The following FLT3LG variants were observed in gnomAD, a reference collection of about 807,000 sequenced individuals.
The protein encoded by FLT3LG is fms-related tyrosine kinase 3 ligand.
Under a neutral mutation model 30.9 loss-of-function variants are expected in FLT3LG, and 8 were observed. The ratio of observed to expected loss-of-function variants is 0.26; its 90% confidence interval spans 0.15 to 0.47. The LOEUF is 0.47. Among genes scored for constraint, FLT3LG ranks in the 20% least tolerant of loss-of-function variants. FLT3LG has a pLI of 0.99. For missense variants in FLT3LG, 278 were observed against 306.2 expected (o/e 0.91, Z 0.69); for synonymous variants, 123 against 135.9 (o/e 0.91, Z 0.66).
intron 8 of FLT3LG, among the ~76,000 whole-genome samples, chr19:49,484,520 G>T (rs1017966820): frequency 3.3e-5 from 5 of 150,998 alleles, no homozygotes; most frequent in African/African-American, 7.3e-5. Context: ...TTTTTGAGAC[G>T]GAGTCTCACT....
intron 2 of FLT3LG, among the ~76,000 whole-genome samples, 192 bp from the exon 3 acceptor site, chr19:49,475,499 T>C (rs1004494488): frequency 3.3e-5 from 5 of 151,542 alleles, no homozygotes; most frequent in Non-Finnish European, 7.4e-5. Context: ...CTGGACAGCA[T>C]TGGACCAGAG....
In FLT3LG at chr19:49,476,530, C is replaced by T. The variant is rs1229704881; in HGVS notation, c.306C>T (p.Asn102=). ...SKMQGLLERV[N]TEIHFVTKCA... ...TGCAAGGCTTGCTGGAGCGCGTGAACACGGAGATACACTTTGTCACCAAAT... is the reference window on the plus strand; with the variant it reads ...TGCAAGGCTTGCTGGAGCGCGTGAATACGGAGATACACTTTGTCACCAAAT... Residue 102 remains asparagine, a synonymous_variant, in exon 5 of 9, where the codon AAC becomes AAT. Transcript: ENST00000597551. The surrounding 1 kb of genome is among the most constrained non-coding windows in gnomAD (Gnocchi z 5.3). 14 of 1,614,150 alleles carry T rather than the reference C, an allele frequency of 8.7e-6. No individual in the cohort carries two copies. Among genetic ancestry groups the T allele is most frequent in the Non-Finnish European group, 1.1e-5 (13 of 1,180,032 alleles).
chr19:49,486,213 A>T lies in FLT3LG; in HGVS notation c.*220A>T, dbSNP rs1181848424. ...CCCTTGTCCCCATGAAATTGTATATAAATCATCCTTTTCTACCAGCTCTGG... is the reference window on the plus strand; with the variant it reads ...CCCTTGTCCCCATGAAATTGTATATTAATCATCCTTTTCTACCAGCTCTGG... On this transcript the variant is annotated 3_prime_UTR_variant, in exon 9 of 9. Coordinates refer to ENST00000597551, the MANE Select transcript of FLT3LG (RefSeq NM_001459.4). The T allele has an allele frequency of 6.5e-6, 1 of 152,694 alleles. No homozygotes were observed. The highest frequency in any genetic ancestry group is 1.5e-5 in the Non-Finnish European group (1 of 68,076). The allele number at this position is 152,694 out of a possible 1,614,324, so 9.5% of individuals were successfully genotyped here. A position where few individuals can be genotyped will look rare whatever the true frequency, so the allele number is the denominator to read the frequency against.
intron 8 of FLT3LG, among the ~76,000 whole-genome samples, chr19:49,485,166 CTCAAGTGT>C (rs55814327): frequency 0.18 from 27,428 of 151,538 alleles, 3,689 homozygotes; most frequent in African/African-American, 0.38. Context: ...CCGGCCCCAT[CTCAAGTGT>C]TCAGTATTCA....
intron 8 of FLT3LG, chr19:49,481,545 G>T: frequency 6.5e-6 from 1 of 153,176 alleles, no homozygotes. Flanking sequence ...CAGGTGTGGA[G>T]GGTGCAGGCA....
Position 49,475,709 on chromosome 19 carries a change from C to T in FLT3LG, c.52C>T (p.Leu18=). Residue 18 remains leucine (L), a synonymous_variant, in exon 3 of 9, where the codon CTG becomes TTG. Transcript: ENST00000597551. ...CCTGCAGACCTATCTCCTCCTGCTG[C>T]TGCTGCTGAGCTCGGGACTCAGTGG... is the stretch of plus-strand genomic sequence containing the variant. ...WSPTTYLLLL[L]LLSSGLSGTQ... The T allele has an allele frequency of 6.2e-7, 1 of 1,608,686 alleles. No individual in the cohort carries two copies.
At chr19:49,484,999 A>C (rs2079753907) in intron 8 of FLT3LG, among the ~76,000 whole-genome samples, 1 of 151,814 alleles carries the variant, frequency 6.6e-6, no homozygotes, top group African/African-American at 2.4e-5. Flanking sequence ...GGCAGGAAGA[A>C]TGGCTTGAAC....
At chr19:49,474,754 G>T in intron 2 of FLT3LG, 82 bp downstream of exon 2, 1 of 1,425,492 alleles carries the variant, frequency 7.0e-7, no homozygotes, top group Non-Finnish European at 9.8e-7. Flanking sequence ...AGATGGACGG[G>T]AGAACAGATG....
intron 8 of FLT3LG, among the ~76,000 whole-genome samples, chr19:49,483,796 C>T (rs115776071): frequency 0.038 from 5,571 of 146,226 alleles, 123 homozygotes; most frequent in South Asian, 0.063. Context: ...TTGCTAAGAC[C>T]GGTATCTATC....
chr19:49,476,380 C>G lies in FLT3LG; in HGVS notation c.199-43C>G, dbSNP rs758743640. The G allele has an allele frequency of 6.3e-6, 10 of 1,588,066 alleles. No homozygotes were observed. The Admixed American group carries it at 7.1e-5, about 11-fold the overall frequency. ...CCTCCTCCCTCAGACCCAGCAGCCC[C>G]GTGCCCAGCTCCTCCCTCAGACCCG... is the stretch of plus-strand genomic sequence containing the variant. On this transcript the variant is annotated intron_variant, in intron 4 of 8. Transcript: ENST00000597551. The surrounding 1 kb of genome is among the most constrained non-coding windows in gnomAD (Gnocchi z 5.3).
intron 5 of FLT3LG, among the ~76,000 whole-genome samples, chr19:49,478,284 A>G (rs1189250327): frequency 2.6e-5 from 4 of 151,590 alleles, no homozygotes; most frequent in South Asian, 2.1e-4. Flanking sequence ...TGGCTAACAC[A>G]ATGAAACCCC....
intron 5 of FLT3LG, among the ~76,000 whole-genome samples, chr19:49,478,190 T>C (rs927719251): frequency 8.5e-5 from 11 of 129,816 alleles, no homozygotes; most frequent in South Asian, 2.3e-4. Context: ...ATAAATAGGC[T>C]GGGCACGGTG....
intron 5 of FLT3LG, 123 bp from the exon 6 acceptor site, chr19:49,478,786 A>C: frequency 1.2e-6 from 1 of 856,396 alleles, no homozygotes; most frequent in Middle Eastern, 3.9e-4. Flanking sequence ...AAATAAATAA[A>C]CTCTGAGAGC....
chr19:49,475,560 AGT>A (rs1218767057), intron 2 of FLT3LG, 129 bp from the exon 3 acceptor site: 1 of 1,201,876 alleles, frequency 8.3e-7, no homozygotes, highest in African/African-American at 1.5e-5. Context: ...GTCTCCAGAA[AGT>A]GTGGAAGAGG....
At chr19:49,478,584 C>G (rs1038341348) in intron 5 of FLT3LG, among the ~76,000 whole-genome samples, 3 of 151,980 alleles carry the variant, frequency 2.0e-5, no homozygotes, top group African/African-American at 7.2e-5. Context: ...ACCAGCCTGG[C>G]CAACATGGAG....
chr19:49,476,230 G>A lies in FLT3LG; in HGVS notation c.198+32G>A. 6.3e-7 allele frequency: 1 copy of A among 1,574,830 alleles called. No individual in the cohort carries two copies. Reference sequence around the variant, plus strand: ...CATGTTGGGAGGGACCTGGGATGGAGGTGGGGACCACAGACTCAAGATGCT... The same window carrying A: ...CATGTTGGGAGGGACCTGGGATGGAAGTGGGGACCACAGACTCAAGATGCT... On this transcript the variant is annotated intron_variant, in intron 4 of 8. Coordinates refer to ENST00000597551, the MANE Select transcript of FLT3LG (RefSeq NM_001459.4). This position sits in a 1 kb window ranked among gnomAD's most constrained non-coding sequence, Gnocchi z 5.3.
In FLT3LG at chr19:49,476,492, G is replaced by A. The variant is rs143173973; in HGVS notation, c.268G>A (p.Ala90Thr). ...QRWMERLKTV[A>T]GSKMQGLLER... The stretch of plus-strand genomic sequence containing the variant: ...CTGGATGGAGCGGCTCAAGACTGTC[G>A]CTGGGTCCAAGATGCAAGGCTTGCT... Residue 90 changes from alanine to threonine, a missense_variant, in exon 5 of 9, where the codon GCT becomes ACT. Coordinates refer to ENST00000597551, the MANE Select transcript of FLT3LG (RefSeq NM_001459.4). The surrounding 1 kb of genome is among the most constrained non-coding windows in gnomAD (Gnocchi z 5.3). 3 of 1,614,148 alleles carry A rather than the reference G, an allele frequency of 1.9e-6. No individual in the cohort carries two copies. The highest frequency in any genetic ancestry group is 2.5e-6 in the Non-Finnish European group (3 of 1,180,018).
intron 8 of FLT3LG, among the ~76,000 whole-genome samples, chr19:49,483,780 T>C (rs1337146751): frequency 6.9e-6 from 1 of 144,548 alleles, no homozygotes; most frequent in Non-Finnish European, 1.5e-5. Flanking sequence ...CTGGGAATCA[T>C]CATGATTGCT....
At chr19:49,480,499 G>T in intron 7 of FLT3LG, 23 bp downstream of exon 7, 1 of 1,598,048 alleles carries the variant, frequency 6.3e-7, no homozygotes, top group Non-Finnish European at 8.5e-7. Context: ...GGAAGAGGGG[G>T]TGAGGGGGCC....
Sources: gnomAD v4.1 joint callset for allele counts (sites outside exome capture counted in the v4.1 genomes callset) on GRCh38, gnomAD v4.1.1 for gene constraint, Gnocchi (gnomAD v3.1) non-coding constraint, MANE v1.5 for transcripts, NCBI Gene and HGNC (gene_info 2026-07-23, HGNC 2026-07-21) for gene names.